EML6: variants seen among roughly 807,000 people sequenced by gnomAD.
EML6 encodes echinoderm microtubule-associated protein-like 6.
EML6 carries 154 observed loss-of-function variants against 240.1 expected under a neutral mutation model. The observed-to-expected ratio is 0.64, with a 90% confidence interval of 0.56 to 0.73. The LOEUF is 0.73. EML6 is among the 30% of genes least tolerant of loss of function. The pLI is 0.00. For missense variants in EML6, 2,964 were observed against 2,474.6 expected (o/e 1.20, Z -4.20); for synonymous variants, 1,148 against 899.0 (o/e 1.28, Z -4.95).
intron 34 of EML6, 60 bp downstream of exon 34, chr2:54,959,321 CAA>C (rs1676386000): frequency 6.9e-6 from 10 of 1,439,682 alleles, no homozygotes; most frequent in Non-Finnish European, 9.2e-6. Context: ...GAGAAACTGA[CAA>C]AAGTGTTCCC....
chr2:54,802,833 T>C (rs1220909919), intron 2 of EML6, among the ~76,000 whole-genome samples: 1 of 152,156 alleles, frequency 6.6e-6, no homozygotes, highest in Non-Finnish European at 1.5e-5. Context: ...TGTTCTCAAC[T>C]CAGTAGAGAG....
chr2:54,917,062 G>A (rs531189547), intron 26 of EML6, 127 bp downstream of exon 26: 4 of 672,174 alleles, frequency 6.0e-6, no homozygotes, highest in East Asian at 2.8e-5. Flanking sequence ...TATTTATGCT[G>A]TATAAAAACC....
intron 2 of EML6, among the ~76,000 whole-genome samples, chr2:54,792,378 A>G (rs1036486085): frequency 6.6e-6 from 1 of 152,236 alleles, no homozygotes; most frequent in Non-Finnish European, 1.5e-5. Context: ...ATGCTTAATA[A>G]AAACTTGATA....
intron 32 of EML6, among the ~76,000 whole-genome samples, chr2:54,955,253 C>T (rs1676177704): frequency 6.6e-6 from 1 of 152,190 alleles, no homozygotes. Context: ...ATTGACCAGA[C>T]TCAGCCCAGA....
chr2:54,830,835 A>G (rs1668833549), intron 7 of EML6, among the ~76,000 whole-genome samples: 1 of 152,300 alleles, frequency 6.6e-6, no homozygotes, highest in South Asian at 2.1e-4. Context: ...TAAGTCAACT[A>G]ATCCAGGATT....
At chr2:54,726,992 C>A (rs1167653541) in intron 2 of EML6, among the ~76,000 whole-genome samples, 1 of 152,062 alleles carries the variant, frequency 6.6e-6, no homozygotes, top group Admixed American at 6.6e-5. Context: ...AGGAAAAAAA[C>A]CAAATGCACT....
intron 17 of EML6, among the ~76,000 whole-genome samples, chr2:54,883,029 G>A (rs572780652): frequency 5.3e-5 from 8 of 151,232 alleles, no homozygotes; most frequent in African/African-American, 1.7e-4. Context: ...TACCATATGG[G>A]CCCCTTTTCT....
At chr2:54,879,526 A>G in intron 16 of EML6, 21 bp from the exon 17 acceptor site, 4 of 1,508,830 alleles carry the variant, frequency 2.7e-6, no homozygotes, top group Non-Finnish European at 3.6e-6. Context: ...AAATTTTGAC[A>G]TTTGTGTTGT....
intron 32 of EML6, among the ~76,000 whole-genome samples, chr2:54,955,856 C>T (rs1053585019): frequency 6.6e-6 from 1 of 152,236 alleles, no homozygotes; most frequent in African/African-American, 2.4e-5. Context: ...TGACCACGGA[C>T]ATGTCATTTC....
At chr2:54,761,856 C>CTT (rs140402799) in intron 2 of EML6, among the ~76,000 whole-genome samples, 23 of 146,798 alleles carry the variant, frequency 1.6e-4, no homozygotes, top group African/African-American at 5.2e-4. Flanking sequence ...ATTAGTATTG[C>CTT]TTTTTTTTTT....
At chr2:54,834,649 C>G (rs546492501) in intron 7 of EML6, among the ~76,000 whole-genome samples, 1 of 152,240 alleles carries the variant, frequency 6.6e-6, no homozygotes, top group Non-Finnish European at 1.5e-5. Context: ...ACTACCAACA[C>G]ATATTTATTG....
intron 10 of EML6, among the ~76,000 whole-genome samples, chr2:54,852,329 G>C (rs1054615046): frequency 6.6e-5 from 10 of 152,172 alleles, no homozygotes; most frequent in African/African-American, 2.4e-4. Flanking sequence ...ATTCTTCAGT[G>C]TACCATTGCA....
At chr2:54,750,663 T>TGGG (rs1456703790) in intron 2 of EML6, among the ~76,000 whole-genome samples, 2 of 152,134 alleles carry the variant, frequency 1.3e-5, no homozygotes, top group Non-Finnish European at 2.9e-5. Flanking sequence ...TTTGAACCTA[T>TGGG]GGGTATAGGC....
intron 2 of EML6, among the ~76,000 whole-genome samples, chr2:54,743,827 T>C (rs1040941090): frequency 1.3e-5 from 2 of 152,192 alleles, no homozygotes; most frequent in Admixed American, 1.3e-4. Flanking sequence ...TAAATTTATA[T>C]GTGAATGCAA....
At chr2:54,884,213 C>G (rs1666571336) in intron 17 of EML6, among the ~76,000 whole-genome samples, 1 of 119,472 alleles carries the variant, frequency 8.4e-6, no homozygotes, top group Non-Finnish European at 1.8e-5. Context: ...ATACTTACTT[C>G]ATTTGCCAGG....
intron 2 of EML6, among the ~76,000 whole-genome samples, chr2:54,766,483 G>A (rs183281625): frequency 6.6e-6 from 1 of 152,276 alleles, no homozygotes; most frequent in East Asian, 1.9e-4. Context: ...TTTGGCAGAA[G>A]TATCACAGAA....
intron 2 of EML6, among the ~76,000 whole-genome samples, chr2:54,757,957 CTG>C (rs1254686629): frequency 1.3e-5 from 2 of 150,784 alleles, no homozygotes; most frequent in Admixed American, 1.3e-4. Context: ...CTTTGTGGGC[CTG>C]TGTCTTTTAA....
Position 54,789,456 on chromosome 2 carries a change from G to A in EML6, c.198-23776G>A, listed in dbSNP as rs980838026. Among the ~76,000 whole-genome samples, 7 of 141,068 alleles carry A rather than the reference G, an allele frequency of 5.0e-5. No individual in the cohort carries two copies. In the East Asian group the frequency reaches 1.5e-3, roughly 30 times the overall value. The allele number at this position is 141,068 out of a possible 152,430, so 92.5% of individuals were successfully genotyped here. ...GTGAACCCGGGAGGCGGAGCTTGCA[G>A]TGAGCCGAGATTACGCCACTGCACT... On this transcript the variant is annotated intron_variant, in intron 2 of 41. Transcript: ENST00000356458.
chr2:54,762,026 T>A (rs1668003531), intron 2 of EML6, among the ~76,000 whole-genome samples: 1 of 152,226 alleles, frequency 6.6e-6, no homozygotes, highest in Non-Finnish European at 1.5e-5. Flanking sequence ...CTCTATATTC[T>A]TCTTTAGTCA....
Sources: gnomAD v4.1 joint callset for allele counts (sites outside exome capture counted in the v4.1 genomes callset) on GRCh38, gnomAD v4.1.1 for gene constraint, MANE v1.5 for transcripts, NCBI Gene and HGNC (gene_info 2026-07-23, HGNC 2026-07-21) for gene names.